The following CADM2 variants were observed in gnomAD, a reference collection of about 807,000 sequenced individuals.
CADM2 encodes cell adhesion molecule 2.
A neutral mutation model predicts 49.8 loss-of-function variants in CADM2; 12 were observed. That is an observed-to-expected ratio of 0.24 (90% CI 0.15 to 0.39). The LOEUF is 0.39. CADM2 is among the 10% of genes least tolerant of loss of function. The pLI, the probability that CADM2 is intolerant of heterozygous loss-of-function variation, is 1.00. For missense variants in CADM2, 378 were observed against 492.3 expected (o/e 0.77, Z 2.20); for synonymous variants, 214 against 175.4 (o/e 1.22, Z -1.74).
rs74453007 is a variant in CADM2 at position 85,410,643 on chromosome 3, G to T, written c.62-315879G>T. 2.1e-3 allele frequency among the ~76,000 whole-genome samples: 316 copies of T among 152,300 alleles called. 1 individual carries two copies. Among genetic ancestry groups the T allele is most frequent in the African/African-American group, 7.4e-3 (309 of 41,568 alleles). ...AGTTTTGCCGAAACAGTTAAAAAGAGTTAAACTCCTTTTAGAGCAGAATAC... is the reference window on the plus strand; with the variant it reads ...AGTTTTGCCGAAACAGTTAAAAAGATTTAAACTCCTTTTAGAGCAGAATAC... On this transcript the variant is annotated intron_variant, in intron 1 of 9. Transcript: ENST00000383699.
At chr3:85,010,135 C>A (rs2033921276) in intron 1 of CADM2, among the ~76,000 whole-genome samples, 1 of 151,856 alleles carries the variant, frequency 6.6e-6, no homozygotes, top group Admixed American at 6.6e-5. Context: ...AAAATGCAAA[C>A]ATCTGGAAAC....
intron 1 of CADM2, among the ~76,000 whole-genome samples, chr3:85,113,193 C>T (rs1429587032): frequency 6.6e-6 from 1 of 152,046 alleles, no homozygotes; most frequent in East Asian, 1.9e-4. Flanking sequence ...TTACAGACAT[C>T]ATGCCAATCA....
intron 2 of CADM2, among the ~76,000 whole-genome samples, chr3:85,761,859 C>CT (rs2069401714): frequency 6.6e-6 from 1 of 152,110 alleles, no homozygotes; most frequent in South Asian, 2.1e-4. Flanking sequence ...TCATCAATTT[C>CT]TTTGACTAAG....
In CADM2 at chr3:85,897,471, T is replaced by G. The variant is rs568289355; in HGVS notation, c.529+11144T>G. 4.1e-3 allele frequency among the ~76,000 whole-genome samples: 607 copies of G among 149,506 alleles called. 2 individuals are homozygous for G. Among genetic ancestry groups the G allele is most frequent in the Non-Finnish European group, 6.0e-3 (405 of 67,176 alleles). On this transcript the variant is annotated intron_variant, in intron 5 of 9. Transcript: ENST00000383699. ...TTTTTAGTAGAGACGGGGTTTCACC[T>G]TGTTAGCCAGGATGGTCTCGATCTC...
intron 1 of CADM2, among the ~76,000 whole-genome samples, chr3:85,216,924 T>C (rs2041941316): frequency 6.6e-6 from 1 of 152,094 alleles, no homozygotes; most frequent in Non-Finnish European, 1.5e-5. Flanking sequence ...AAAATTTACA[T>C]TGCTATATCT....
At chr3:85,631,453 A>G (rs977327750) in intron 1 of CADM2, among the ~76,000 whole-genome samples, 8 of 152,128 alleles carry the variant, frequency 5.3e-5, no homozygotes, top group African/African-American at 1.9e-4. Context: ...GTATTGAAAT[A>G]AATCTTTCAC....
At chr3:85,809,664 C>T (rs1028733595) in intron 3 of CADM2, among the ~76,000 whole-genome samples, 1 of 53,812 alleles carries the variant, frequency 1.9e-5, no homozygotes, top group Non-Finnish European at 3.5e-5. Context: ...TTCTCCCTTC[C>T]TTCCTTCCTT....
intron 7 of CADM2, among the ~76,000 whole-genome samples, chr3:85,936,678 C>A (rs1721220556): frequency 6.6e-6 from 1 of 151,650 alleles, no homozygotes; most frequent in South Asian, 2.1e-4. Context: ...TCTGGCAAAT[C>A]AGGTTAAATT....
intron 1 of CADM2, among the ~76,000 whole-genome samples, chr3:85,166,826 A>G (rs1032964391): frequency 6.6e-6 from 1 of 152,012 alleles, no homozygotes; most frequent in African/African-American, 2.4e-5. Flanking sequence ...TGATGAAAAT[A>G]TTAATCATGC....
intron 1 of CADM2, among the ~76,000 whole-genome samples, chr3:84,967,333 C>A (rs2031078389): frequency 6.6e-6 from 1 of 152,084 alleles, no homozygotes; most frequent in African/African-American, 2.4e-5. Flanking sequence ...TCCTAATTTT[C>A]TTAATAAATT....
At chr3:85,601,294 C>T (rs1037724200) in intron 1 of CADM2, among the ~76,000 whole-genome samples, 1 of 150,016 alleles carries the variant, frequency 6.7e-6, no homozygotes, top group East Asian at 2.0e-4. Flanking sequence ...TATGGCTATA[C>T]ATGAAATATT....
intron 1 of CADM2, among the ~76,000 whole-genome samples, chr3:85,599,832 TA>T (rs2063344576): frequency 6.6e-6 from 1 of 151,926 alleles, no homozygotes; most frequent in South Asian, 2.1e-4. Flanking sequence ...CCCTCTTAGA[TA>T]TCAGTATTTG....
chr3:86,047,946 A>G (rs970747618), intron 8 of CADM2, among the ~76,000 whole-genome samples: 1 of 152,170 alleles, frequency 6.6e-6, no homozygotes, highest in South Asian at 2.1e-4. Flanking sequence ...TACATTTAGG[A>G]AAATGTGAGT....
chr3:85,726,386 T>G (rs909327251), intron 1 of CADM2, 136 bp from the exon 2 acceptor site: 1 of 912,946 alleles, frequency 1.1e-6, no homozygotes. Flanking sequence ...ATTTTGTTTC[T>G]TAGGCTGTTG....
intron 1 of CADM2, among the ~76,000 whole-genome samples, chr3:85,114,833 A>C (rs145007577): frequency 6.6e-6 from 1 of 152,126 alleles, no homozygotes; most frequent in Admixed American, 6.5e-5. Context: ...AGCACTTTTT[A>C]TATGACCTTT....
chr3:85,381,328 G>A (rs140025138), intron 1 of CADM2, among the ~76,000 whole-genome samples: 2,540 of 151,228 alleles, frequency 0.017, 45 homozygotes, highest in Non-Finnish European at 0.027. Context: ...CTTCATTTTT[G>A]TACTGAATCT....
intron 1 of CADM2, among the ~76,000 whole-genome samples, chr3:85,128,940 T>A (rs1386976657): frequency 6.6e-6 from 1 of 152,206 alleles, no homozygotes; most frequent in Admixed American, 6.6e-5. Context: ...ACACATCAGA[T>A]ACTGAGAGTT....
At chr3:85,935,626 C>A in intron 6 of CADM2, 141 bp from the exon 7 acceptor site, 1 of 413,000 alleles carries the variant, frequency 2.4e-6, no homozygotes, top group Non-Finnish European at 4.3e-6. Flanking sequence ...CTTATTTTAC[C>A]AAATCTAAGA....
chr3:85,239,205 A>G lies in CADM2; in HGVS notation c.61+279537A>G, dbSNP rs72915089. Reference sequence around the variant, plus strand: ...TTTTTTTCTAATTCTTAGTTATTATAATTGTGCCATTTAGAACTAGCACAT... The same window carrying G: ...TTTTTTTCTAATTCTTAGTTATTATGATTGTGCCATTTAGAACTAGCACAT... On this transcript the variant is annotated intron_variant, in intron 1 of 9. Transcript: ENST00000383699. Among the ~76,000 whole-genome samples, 977 of 152,006 alleles carry G rather than the reference A, an allele frequency of 6.4e-3. 13 individuals carry two copies. The highest frequency in any genetic ancestry group is 0.022 in the African/African-American group (912 of 41,542).
Sources: allele counts gnomAD v4.1 joint callset (sites outside exome capture counted in the v4.1 genomes callset), GRCh38; gene constraint gnomAD v4.1.1; transcripts MANE v1.5; gene names NCBI Gene and HGNC (gene_info 2026-07-23, HGNC 2026-07-21).